GLB1L2: variants seen among roughly 807,000 people sequenced by gnomAD.
The protein encoded by GLB1L2 is galactosidase beta 1 like 2.
A neutral mutation model predicts 84.1 loss-of-function variants in GLB1L2; 68 were observed. That is an observed-to-expected ratio of 0.81 (90% CI 0.67 to 0.99). GLB1L2 has a LOEUF of 0.99. GLB1L2 is among the 50% of genes least tolerant of loss of function. The pLI is 0.00. For synonymous variants in GLB1L2, 290 were observed against 318.0 expected (o/e 0.91, Z 0.94); for missense variants, 762 against 805.6 (o/e 0.95, Z 0.66).
chr11:134,370,169 T>C lies in GLB1L2; in HGVS notation c.1109-124T>C. The stretch of plus-strand genomic sequence containing the variant: ...CCTCAGCAGGTGCTGAGAGCTAGCC[T>C]GTTGTTCCTCTTGGTGCTGGGACGC... On this transcript the variant is annotated intron_variant, in intron 11 of 18. Transcript: ENST00000535456. This position sits in a 1 kb window ranked among gnomAD's most constrained non-coding sequence, Gnocchi z 4.7. 1.2e-6 allele frequency: 1 copy of C among 855,968 alleles called. No homozygotes were observed. Among genetic ancestry groups the C allele is most frequent in the Non-Finnish European group, 2.0e-6 (1 of 508,638 alleles). The allele number at this position is 855,968 out of a possible 1,614,324, so 53.0% of individuals were successfully genotyped here. A position where few individuals can be genotyped will look rare whatever the true frequency, so the allele number is the denominator to read the frequency against.
chr11:134,342,772 G>A lies in GLB1L2; in HGVS notation c.105G>A (p.Leu35=), dbSNP rs151065441. ...TTTCCAGGCTGGACTGGAGCACCCT[G>A]GTCCCTCTGCGGCTCCGCCATCGAC... ...LVLRRLDWST[L]VPLRLRHRQL... Residue 35 remains leucine (L), a synonymous_variant, in exon 2 of 19, where the codon CTG becomes CTA. Coordinates refer to ENST00000535456, the MANE Select transcript of GLB1L2 (RefSeq NM_001370461.1). The A allele has an allele frequency of 1.1e-5, 17 of 1,613,888 alleles. No homozygotes were observed. Among genetic ancestry groups the A allele is most frequent in the Non-Finnish European group, 1.4e-5 (17 of 1,179,994 alleles).
At position 134,345,115 on chromosome 11, in the gene GLB1L2, CGGGGGCTTGCCCA is replaced by C; in HGVS notation, c.438_449+1del. 6.2e-7 allele frequency: 1 copy of C among 1,612,092 alleles called. No homozygotes were observed. Among genetic ancestry groups the C allele is most frequent in the Non-Finnish European group, 8.5e-7 (1 of 1,178,732 alleles). ...CCTACATCTGCAGTGAGATGGACCT[CGGGGGCTTGCCCA>C]GGTAAGCGGGGTTGTGAAGGGTCCT... is the stretch of plus-strand genomic sequence containing the variant. On this transcript the variant is annotated frameshift_variant and splice_region_variant, in exon 4 of 19. Coordinates refer to ENST00000535456, the MANE Select transcript of GLB1L2 (RefSeq NM_001370461.1). LOFTEE classifies it high-confidence loss of function.
intron 4 of GLB1L2, 57 bp from the exon 5 acceptor site, chr11:134,347,268 T>C (rs1260800390): frequency 2.2e-6 from 3 of 1,337,440 alleles, no homozygotes; most frequent in Admixed American, 1.7e-5. Flanking sequence ...AACAGCCTGC[T>C]CACAGCAAAC....
intron 5 of GLB1L2, among the ~76,000 whole-genome samples, chr11:134,353,856 T>A (rs1409117600): frequency 6.6e-6 from 1 of 152,198 alleles, no homozygotes; most frequent in Non-Finnish European, 1.5e-5. Context: ...AAGCCACCCC[T>A]CCTCTTTTGA....
At chr11:134,350,685 G>A (rs2136272495) in intron 5 of GLB1L2, among the ~76,000 whole-genome samples, 1 of 152,304 alleles carries the variant, frequency 6.6e-6, no homozygotes, top group South Asian at 2.1e-4. Flanking sequence ...GAACGGTGCA[G>A]CCTTCTATTC....
At position 134,334,244 on chromosome 11, in the gene GLB1L2, C is replaced by T. The variant is rs895438354; in HGVS notation, c.86+2097C>T. On this transcript the variant is annotated intron_variant, in intron 1 of 18. Coordinates refer to ENST00000535456, the MANE Select transcript of GLB1L2 (RefSeq NM_001370461.1). This position sits in a 1 kb window ranked among gnomAD's most constrained non-coding sequence, Gnocchi z 4.1. Reference sequence around the variant, plus strand: ...CCACCAAGTTCACTCTTTGTGGAGCCGAGCTGTCAGGAGCAGCCCCTTTCC... The same window carrying T: ...CCACCAAGTTCACTCTTTGTGGAGCTGAGCTGTCAGGAGCAGCCCCTTTCC... 1.1e-4 allele frequency among the ~76,000 whole-genome samples: 16 copies of T among 152,110 alleles called. No individual in the cohort carries two copies. The highest frequency in any genetic ancestry group is 2.2e-4 in the African/African-American group (9 of 41,414).
intron 10 of GLB1L2, among the ~76,000 whole-genome samples, chr11:134,369,271 C>T (rs7924640): frequency 0.025 from 3,839 of 152,316 alleles, 145 homozygotes; most frequent in African/African-American, 0.084. Context: ...TAGCTCACTG[C>T]AGCCTCAAAT....
At chr11:134,343,027 G>A (rs1943492053) in intron 2 of GLB1L2, 76 bp downstream of exon 2, 12 of 1,473,786 alleles carry the variant, frequency 8.1e-6, no homozygotes, top group Admixed American at 2.0e-5. Flanking sequence ...AAAAATATAA[G>A]AGGAACCGGC....
intron 1 of GLB1L2, among the ~76,000 whole-genome samples, chr11:134,337,229 G>T (rs1943400232): frequency 6.6e-6 from 1 of 152,220 alleles, no homozygotes. Context: ...TGGCAAGAGT[G>T]CTGTGGACCT....
At position 134,376,144 on chromosome 11, in the gene GLB1L2, G is replaced by T. The variant is rs565362369; in HGVS notation, c.*1086G>T. Reference sequence around the variant, plus strand: ...CCATGTCTGCACATCCAGGGAGGAGGACAGAAGGCCCAGCTCAGTGGCCCC... The same window carrying T: ...CCATGTCTGCACATCCAGGGAGGAGTACAGAAGGCCCAGCTCAGTGGCCCC... On this transcript the variant is annotated 3_prime_UTR_variant, in exon 19 of 19. Transcript: ENST00000535456. 6.5e-6 allele frequency: 1 copy of T among 152,756 alleles called. No homozygotes were observed. The highest frequency in any genetic ancestry group is 2.4e-5 in the African/African-American group (1 of 41,558). The allele number at this position is 152,756 out of a possible 1,614,324, so 9.5% of individuals were successfully genotyped here. A position where few individuals can be genotyped will look rare whatever the true frequency, so the allele number is the denominator to read the frequency against.
chr11:134,347,205 G>A, intron 4 of GLB1L2, 120 bp from the exon 5 acceptor site: 1 of 774,614 alleles, frequency 1.3e-6, no homozygotes, highest in Non-Finnish European at 2.3e-6. Flanking sequence ...GTGGGGTGGA[G>A]GAGGGCACAG....
chr11:134,368,961 G>T (rs1044223920), intron 10 of GLB1L2, among the ~76,000 whole-genome samples, 180 bp downstream of exon 10: 7 of 152,196 alleles, frequency 4.6e-5, no homozygotes, highest in African/African-American at 1.7e-4. Flanking sequence ...AGCCTCAAGG[G>T]AGGTGGTGTG....
rs763934034 is a variant in GLB1L2 at position 134,344,463 on chromosome 11, G to C, written c.353+8G>C. Reference sequence around the variant, plus strand: ...TGGGAACCTGGACCTGGAGTATGTGGTGTTGCTGCTTCTGTGAACTGGCCA... The same window carrying C: ...TGGGAACCTGGACCTGGAGTATGTGCTGTTGCTGCTTCTGTGAACTGGCCA... On this transcript the variant is annotated splice_region_variant and intron_variant, in intron 3 of 18. Transcript: ENST00000535456. 6.2e-7 allele frequency: 1 copy of C among 1,612,274 alleles called. No individual in the cohort carries two copies. The highest frequency in any genetic ancestry group is 1.3e-5 in the African/African-American group (1 of 74,848).
At chr11:134,361,294 C>G (rs1314155231) in intron 7 of GLB1L2, 1 of 152,222 alleles carries the variant, frequency 6.6e-6, no homozygotes, top group Admixed American at 6.5e-5. Context: ...CCCCTGCACT[C>G]TAGCCTGGGT....
chr11:134,368,552 TG>T, intron 9 of GLB1L2, 91 bp from the exon 10 acceptor site: 1 of 1,372,918 alleles, frequency 7.3e-7, no homozygotes. Context: ...GGTTTTGAGG[TG>T]GGACTGGGAA....
intron 5 of GLB1L2, among the ~76,000 whole-genome samples, chr11:134,347,726 G>A (rs556223891): frequency 9.9e-5 from 15 of 152,230 alleles, no homozygotes; most frequent in South Asian, 4.2e-4. Flanking sequence ...CCGGGAACAC[G>A]CATCCACTGG....
chr11:134,358,128 C>G (rs1000764502), intron 6 of GLB1L2, among the ~76,000 whole-genome samples: 1 of 152,206 alleles, frequency 6.6e-6, no homozygotes, highest in East Asian at 1.9e-4. Context: ...GATGATCTCG[C>G]TGTCTATCCA....
intron 7 of GLB1L2, among the ~76,000 whole-genome samples, chr11:134,362,141 A>G (rs1220136882): frequency 5.3e-5 from 8 of 152,058 alleles, no homozygotes; most frequent in African/African-American, 1.9e-4. Context: ...TGTGCCTTTC[A>G]GCTCTTCTTT....
intron 18 of GLB1L2, 119 bp downstream of exon 18, chr11:134,374,837 C>T (rs1315031227): frequency 5.2e-6 from 6 of 1,155,828 alleles, no homozygotes; most frequent in Non-Finnish European, 7.7e-6. Flanking sequence ...CTCCTCGCTG[C>T]AGACGAGTTG....
Sources: allele counts gnomAD v4.1 joint callset (sites outside exome capture counted in the v4.1 genomes callset), GRCh38; gene constraint gnomAD v4.1.1; non-coding constraint Gnocchi (gnomAD v3.1); transcripts MANE v1.5; gene names NCBI Gene and HGNC (gene_info 2026-07-23, HGNC 2026-07-21).